Variants in VPS13D observed in about 807,000 individuals in gnomAD.
VPS13D encodes vacuolar protein sorting 13 homolog D.
VPS13D carries 187 observed loss-of-function variants against 461.9 expected under a neutral mutation model. That is an observed-to-expected ratio of 0.40 (90% CI 0.36 to 0.46). The LOEUF is 0.46. VPS13D is among the 20% of genes least tolerant of loss of function. VPS13D has a pLI of 0.60. For missense variants in VPS13D, 4,711 were observed against 5,364.9 expected, an observed-to-expected ratio of 0.88 and a Z score of 3.81; for synonymous variants, 1,951 against 1,986.3, an observed-to-expected ratio of 0.98 and a Z score of 0.47.
At chr1:12,465,343 G>GAA (rs1343523452) in intron 67 of VPS13D, 1 of 152,200 alleles carries the variant, frequency 6.6e-6, no homozygotes, top group East Asian at 1.9e-4. Flanking sequence ...AGTGGGGAGA[G>GAA]AAGTAGGAGT....
At chr1:12,472,798 A>C (rs1163790127) in intron 67 of VPS13D, among the ~76,000 whole-genome samples, 3 of 152,116 alleles carry the variant, frequency 2.0e-5, no homozygotes, top group Non-Finnish European at 1.5e-5. Flanking sequence ...GTGTGGTTTT[A>C]TGAAACCCAT....
intron 67 of VPS13D, among the ~76,000 whole-genome samples, chr1:12,484,006 AAAAT>A (rs1645761258): frequency 1.3e-5 from 2 of 151,808 alleles, no homozygotes; most frequent in African/African-American, 4.8e-5. Context: ...CAAAAAAAAA[AAAAT>A]AAAAATAAGA....
intron 55 of VPS13D, among the ~76,000 whole-genome samples, chr1:12,377,907 T>G (rs919478800): frequency 6.6e-6 from 1 of 152,006 alleles, no homozygotes; most frequent in South Asian, 2.1e-4. Flanking sequence ...ATACAATCAA[T>G]TCATGAAAAT....
At chr1:12,316,163 T>G (rs1338326385) in intron 30 of VPS13D, among the ~76,000 whole-genome samples, 1 of 152,318 alleles carries the variant, frequency 6.6e-6, no homozygotes, top group Middle Eastern at 3.4e-3. Context: ...ATCTGGCTTC[T>G]TAGACTGTCA....
Position 12,386,235 on chromosome 1 carries a change from C to G in VPS13D, c.11535C>G (p.Val3845=). ...TTGGGTTGTCCTTAATTAATAAAGT[C>G]CCAGAAGAACTGGTCTTTGCAAGTC... ...GGIGLSLINK[V]PEELVFASLT... The change falls in exon 60 of 70, where the codon GTC becomes GTG. Residue 3845 remains valine, a synonymous_variant. Coordinates refer to ENST00000620676, the MANE Select transcript of VPS13D (RefSeq NM_015378.4). 1.9e-6 allele frequency: 3 copies of G among 1,613,516 alleles called. No homozygotes were observed. The highest frequency in any genetic ancestry group is 2.5e-6 in the Non-Finnish European group (3 of 1,179,800).
rs545719939 is a variant in VPS13D, at chr1:12,233,818, C to T, written c.-76-373C>T. On this transcript the variant is annotated intron_variant, in intron 1 of 69. Coordinates refer to ENST00000620676, the MANE Select transcript of VPS13D (RefSeq NM_015378.4). ...ATCCCAGCACTTTGGGTGGCTGAGG[C>T]GGGTGGATCACCTGAGGTCAGGAGT... 4.6e-5 allele frequency among the ~76,000 whole-genome samples: 7 copies of T among 152,144 alleles called. No homozygotes were observed. The South Asian group carries it at 1.2e-3, about 27-fold the overall frequency.
intron 65 of VPS13D, among the ~76,000 whole-genome samples, chr1:12,443,117 CCT>C (rs1461043800): frequency 6.6e-6 from 1 of 152,096 alleles, no homozygotes; most frequent in African/African-American, 2.4e-5. Context: ...CACTTTATAC[CCT>C]GAGGTGTTCA....
chr1:12,415,103 T>G lies in VPS13D; in HGVS notation c.12047T>G (p.Leu4016Trp). Reference protein sequence around the residue: ...PLDLKALKSTLGFPLIRFEDA... With the variant: ...PLDLKALKSTWGFPLIRFEDA... ...CCTAATTAGGCCCTAAAAAGCACCT[T>G]GGGGTTTCCTTTGATACGGTTTGAA... Residue 4016 changes from leucine (L) to tryptophan (W), a missense_variant, in exon 64 of 70, where the codon TTG becomes TGG. Physicochemically the swap from Leu to Trp is moderately conservative, Grantham distance 61 (BLOSUM62 -2). This residue lies in a region of VPS13D where 4,411 missense variants were observed against 4,937.8 expected (regional missense o/e 0.89). Transcript: ENST00000620676. The G allele has an allele frequency of 6.2e-7, 1 of 1,614,020 alleles. No homozygotes were observed. Among genetic ancestry groups the G allele is most frequent in the Non-Finnish European group, 8.5e-7 (1 of 1,179,958 alleles).
chr1:12,261,251 G>T, intron 12 of VPS13D, 102 bp downstream of exon 12: 1 of 1,395,936 alleles, frequency 7.2e-7, no homozygotes, highest in African/African-American at 1.4e-5. Flanking sequence ...GATATTTGGA[G>T]AACAGTTTAT....
intron 20 of VPS13D, 62 bp from the exon 21 acceptor site, chr1:12,282,643 G>A: frequency 6.9e-7 from 1 of 1,448,382 alleles, no homozygotes; most frequent in African/African-American, 1.4e-5. Flanking sequence ...AGACATTTAT[G>A]GGCATTACAT....
chr1:12,437,068 C>T (rs910870163), intron 65 of VPS13D, among the ~76,000 whole-genome samples: 3 of 152,050 alleles, frequency 2.0e-5, no homozygotes, highest in African/African-American at 4.8e-5. Context: ...GTGTGTGTGG[C>T]GGCGGGAGGG....
intron 65 of VPS13D, among the ~76,000 whole-genome samples, chr1:12,418,207 C>A (rs927583709): frequency 3.9e-5 from 6 of 152,172 alleles, no homozygotes; most frequent in African/African-American, 1.4e-4. Context: ...TGTACCCAGA[C>A]AGCAACAGTC....
At chr1:12,368,672 C>T (rs545636095) in intron 53 of VPS13D, 81 bp downstream of exon 53, 79 of 1,440,026 alleles carry the variant, frequency 5.5e-5, no homozygotes, top group Admixed American at 1.5e-4. Context: ...CACAATGGTA[C>T]AATACATTTT....
In VPS13D at chr1:12,315,839, C is replaced by T. The variant is rs536285105; in HGVS notation, c.7148+1512C>T. Among the ~76,000 whole-genome samples the T allele has an allele frequency of 1.7e-3, 260 of 150,988 alleles. 1 individual carries two copies. Among genetic ancestry groups the T allele is most frequent in the African/African-American group, 5.8e-3 (239 of 41,182 alleles). On this transcript the variant is annotated intron_variant, in intron 30 of 69. Transcript: ENST00000620676. Reference sequence around the variant, plus strand: ...AAACATTTCTTTTTTTTTTTTGAGACGTAGTCTCACTCTGTCGCCTAGGCT... The same window carrying T: ...AAACATTTCTTTTTTTTTTTTGAGATGTAGTCTCACTCTGTCGCCTAGGCT...
chr1:12,420,176 G>T (rs932906960), intron 65 of VPS13D, among the ~76,000 whole-genome samples: 1 of 152,136 alleles, frequency 6.6e-6, no homozygotes, highest in African/African-American at 2.4e-5. Context: ...ATCTAAATGG[G>T]TCTATCAGTT....
Position 12,282,946 on chromosome 1 carries a change from T to G in VPS13D, c.4844T>G (p.Phe1615Cys). 2 of 1,614,138 alleles carry G rather than the reference T, an allele frequency of 1.2e-6. No individual in the cohort carries two copies. Among genetic ancestry groups the G allele is most frequent in the Non-Finnish European group, 1.7e-6 (2 of 1,180,008 alleles). ...KSLSVKEVKS[F>C]TQIQATFCIS... ...TTGTCAGTGAAGGAAGTCAAATCCT[T>G]TACTCAGATTCAAGCCACCTTTTGT... is the stretch of plus-strand genomic sequence containing the variant. The change falls in exon 21 of 70, where the codon TTT (phenylalanine) becomes TGT (cysteine). Residue 1615 changes from phenylalanine (F) to cysteine (C), a missense_variant. Phe to Cys is a radical substitution (Grantham distance 205). Around this residue, in one of 3 missense-constraint regions of VPS13D, gnomAD observed 4,411 missense variants for 4,937.8 expected, o/e 0.89. Transcript: ENST00000620676.
chr1:12,244,653 G>A, intron 5 of VPS13D, 36 bp downstream of exon 5: 1 of 1,579,332 alleles, frequency 6.3e-7, no homozygotes, highest in East Asian at 2.2e-5. Context: ...GTATCAACGT[G>A]AAAGGGATTT....
At chr1:12,310,821 T>C (rs12046696) in intron 27 of VPS13D, among the ~76,000 whole-genome samples, 306 of 57,176 alleles carry the variant, frequency 5.4e-3, no homozygotes, top group South Asian at 8.2e-3. Context: ...CCCTCCCTCC[T>C]TCCCTCCTTC....
chr1:12,257,487 A>G (rs1185419284), intron 9 of VPS13D, among the ~76,000 whole-genome samples: 2 of 152,220 alleles, frequency 1.3e-5, no homozygotes, highest in African/African-American at 4.8e-5. Context: ...GCAAAACTAA[A>G]TCCTGTTTTC....
Sources: gnomAD v4.1 joint callset for allele counts (sites outside exome capture counted in the v4.1 genomes callset) on GRCh38, gnomAD v4.1.1 for gene constraint, gnomAD v4.1.1 regional missense constraint, MANE v1.5 for transcripts, NCBI Gene and HGNC (gene_info 2026-07-23, HGNC 2026-07-21) for gene names.